Variants in DNAJC1 observed in about 807,000 individuals in gnomAD.
DNAJC1 encodes the protein dnaJ homolog subfamily C member 1.
Under a neutral mutation model 76.6 loss-of-function variants are expected in DNAJC1, and 58 were observed. The ratio of observed to expected loss-of-function variants is 0.76; its 90% CI spans 0.61 to 0.94. The LOEUF is 0.94. DNAJC1 is among the 40% of genes least tolerant of loss of function. DNAJC1 has a pLI of 0.00. For missense variants in DNAJC1, 689 were observed against 677.3 expected (o/e 1.02, Z -0.19); for synonymous variants, 258 against 267.9 (o/e 0.96, Z 0.36).
At chr10:21,986,312 G>A (rs1204563086) in intron 1 of DNAJC1, among the ~76,000 whole-genome samples, 6 of 152,212 alleles carry the variant, frequency 3.9e-5, no homozygotes, top group Non-Finnish European at 5.9e-5. Flanking sequence ...CCTCACCAGT[G>A]CTTTTTACTG....
intron 1 of DNAJC1, among the ~76,000 whole-genome samples, chr10:21,935,293 TA>T (rs1404958082): frequency 2.6e-5 from 4 of 151,948 alleles, no homozygotes; most frequent in Admixed American, 2.0e-4. Flanking sequence ...AAATAGACTT[TA>T]AAAAAACAAA....
At position 21,982,892 on chromosome 10, in the gene DNAJC1, A is replaced by T. The variant is rs545194312; in HGVS notation, c.222+20321T>A. Among the ~76,000 whole-genome samples the T allele has an allele frequency of 2.6e-5, 4 of 152,220 alleles. No homozygotes were observed. The Middle Eastern group carries it at 0.01, about 388-fold the overall frequency. The stretch of plus-strand genomic sequence containing the variant: ...AAATTGTGACCCTTTCTCTACAAAA[A>T]TTTTTTTAAAAAATTAGCCAGGCAT... On this transcript the variant is annotated intron_variant, in intron 1 of 11. Coordinates refer to ENST00000376980, the MANE Select transcript of DNAJC1 (RefSeq NM_022365.4).
intron 1 of DNAJC1, among the ~76,000 whole-genome samples, chr10:21,986,090 G>A (rs1195074953): frequency 1.3e-5 from 2 of 152,098 alleles, no homozygotes; most frequent in Admixed American, 6.5e-5. Context: ...AGCCGGGTGT[G>A]GTGGCGGGTG....
intron 9 of DNAJC1, among the ~76,000 whole-genome samples, chr10:21,786,675 C>T (rs1052863028): frequency 6.6e-6 from 1 of 151,886 alleles, no homozygotes; most frequent in Non-Finnish European, 1.5e-5. Context: ...AGAGTTTCAC[C>T]ATTTGGCCAG....
In DNAJC1 at chr10:21,964,382, T is replaced by A. The variant is rs559252722; in HGVS notation, c.223-35241A>T. On this transcript the variant is annotated intron_variant, in intron 1 of 11. Transcript: ENST00000376980. ...GGCACACGCCACCATGCCTGGCTAA[T>A]TTTTTTGTATTTTTAGAAGGGGTTT... Among the ~76,000 whole-genome samples, 6 of 152,004 alleles carry A rather than the reference T, an allele frequency of 3.9e-5. No homozygotes were observed. The East Asian group carries it at 1.2e-3, about 29-fold the overall frequency.
At chr10:21,763,023 C>T (rs914160283) in intron 10 of DNAJC1, among the ~76,000 whole-genome samples, 11 of 152,102 alleles carry the variant, frequency 7.2e-5, no homozygotes, top group Non-Finnish European at 1.2e-4. Context: ...CTCTGCCTCC[C>T]GGGTTCAAGT....
chr10:21,958,196 T>G (rs1315344828), intron 1 of DNAJC1, among the ~76,000 whole-genome samples: 1 of 152,202 alleles, frequency 6.6e-6, no homozygotes, highest in African/African-American at 2.4e-5. Context: ...CATATAATAC[T>G]AATAAAATTT....
chr10:21,975,133 C>G (rs957204220), intron 1 of DNAJC1, among the ~76,000 whole-genome samples: 7 of 152,076 alleles, frequency 4.6e-5, no homozygotes, highest in African/African-American at 1.7e-4. Flanking sequence ...GTAATGTTTT[C>G]ATTTTTGAAG....
chr10:21,938,089 G>A lies in DNAJC1; in HGVS notation c.223-8948C>T, dbSNP rs78875524. Among the ~76,000 whole-genome samples the A allele has an allele frequency of 3.9e-3, 588 of 152,084 alleles. 5 individuals carry two copies. The highest frequency in any genetic ancestry group is 0.013 in the African/African-American group (553 of 41,498). ...ATAAAATATCAGGGTTTCATTACCC[G>A]TTAGATATTTCTTTTTGGATTCATT... is the stretch of plus-strand genomic sequence containing the variant. On this transcript the variant is annotated intron_variant, in intron 1 of 11. Transcript: ENST00000376980.
At chr10:21,799,018 G>A (rs1167793023) in intron 9 of DNAJC1, among the ~76,000 whole-genome samples, 1 of 152,180 alleles carries the variant, frequency 6.6e-6, no homozygotes, top group Non-Finnish European at 1.5e-5. Context: ...AGAGAAGAAG[G>A]AGAGAACTTA....
chr10:21,969,519 G>A (rs192736984), intron 1 of DNAJC1, among the ~76,000 whole-genome samples: 5 of 152,180 alleles, frequency 3.3e-5, no homozygotes, highest in East Asian at 1.9e-4. Flanking sequence ...CAAATGAGTC[G>A]GACTCTGAGT....
intron 10 of DNAJC1, among the ~76,000 whole-genome samples, chr10:21,760,704 G>A (rs1834230855): frequency 6.6e-6 from 1 of 152,210 alleles, no homozygotes; most frequent in South Asian, 2.1e-4. Context: ...AATATAAATA[G>A]CTACATGTGG....
intron 9 of DNAJC1, among the ~76,000 whole-genome samples, chr10:21,794,009 T>C (rs1222544977): frequency 6.6e-6 from 1 of 152,096 alleles, no homozygotes; most frequent in Non-Finnish European, 1.5e-5. Flanking sequence ...GCAAGGTGGC[T>C]CACGCCTGTA....
intron 8 of DNAJC1, among the ~76,000 whole-genome samples, chr10:21,828,657 G>C (rs758860887): frequency 2.0e-5 from 3 of 152,124 alleles, no homozygotes; most frequent in Non-Finnish European, 4.4e-5. Flanking sequence ...AATCAATCTT[G>C]TTCCATGGCT....
chr10:21,791,372 T>G lies in DNAJC1; in HGVS notation c.1098+14608A>C, dbSNP rs113440029. Among the ~76,000 whole-genome samples the G allele has an allele frequency of 1.5e-3, 235 of 152,280 alleles. 3 individuals carry two copies. The highest frequency in any genetic ancestry group is 5.3e-3 in the African/African-American group (222 of 41,550). On this transcript the variant is annotated intron_variant, in intron 9 of 11. Coordinates refer to ENST00000376980, the MANE Select transcript of DNAJC1 (RefSeq NM_022365.4). Reference sequence around the variant, plus strand: ...ACAACAAGAAAACACTGAATTTGAATTGCATCTTAGACCAAATGGAACTAA... The same window carrying G: ...ACAACAAGAAAACACTGAATTTGAAGTGCATCTTAGACCAAATGGAACTAA...
chr10:21,874,789 G>A (rs1232835943), intron 8 of DNAJC1, among the ~76,000 whole-genome samples: 1 of 152,164 alleles, frequency 6.6e-6, no homozygotes, highest in Non-Finnish European at 1.5e-5. Flanking sequence ...TTTATGTTCT[G>A]TCAAGTACAT....
intron 7 of DNAJC1, among the ~76,000 whole-genome samples, chr10:21,889,138 C>G (rs1257368413): frequency 2.6e-5 from 4 of 152,096 alleles, no homozygotes; most frequent in Non-Finnish European, 4.4e-5. Context: ...CTGGGGAAGT[C>G]TCAGGAAACT....
At position 21,979,010 on chromosome 10, in the gene DNAJC1, C is replaced by A. The variant is rs536860591; in HGVS notation, c.222+24203G>T. Among the ~76,000 whole-genome samples, 134 of 151,468 alleles carry A rather than the reference C, an allele frequency of 8.8e-4. No homozygotes were observed. In the Middle Eastern group the frequency reaches 0.034, roughly 39 times the overall value. On this transcript the variant is annotated intron_variant, in intron 1 of 11. Transcript: ENST00000376980. ...GATCTTATATACAATTAGTAAACAG[C>A]GGAATGATATTCTTATAATGCAGAG...
intron 8 of DNAJC1, among the ~76,000 whole-genome samples, chr10:21,867,623 G>A (rs1836024358): frequency 6.6e-6 from 1 of 152,124 alleles, no homozygotes; most frequent in East Asian, 1.9e-4. Flanking sequence ...TGAAAACCCA[G>A]GAGTAGATCA....
Sources: allele counts gnomAD v4.1 joint callset (sites outside exome capture counted in the v4.1 genomes callset), GRCh38; gene constraint gnomAD v4.1.1; transcripts MANE v1.5; gene names NCBI Gene and HGNC (gene_info 2026-07-23, HGNC 2026-07-21).